ST8SIA6: variants seen among roughly 807,000 people sequenced by gnomAD.
The protein encoded by ST8SIA6 is ST8 alpha-N-acetyl-neuraminide alpha-2,8-sialyltransferase 6, also known as alpha-2,8-sialyltransferase 8F.
ST8SIA6 carries 39 observed loss-of-function variants against 33.6 expected under a neutral mutation model. That is an observed-to-expected ratio of 1.16 (90% CI 0.90 to 1.52). ST8SIA6 has a LOEUF of 1.52. Ranked by LOEUF, ST8SIA6 falls within the 40% of genes most tolerant of loss-of-function variation. The pLI, the probability that ST8SIA6 is intolerant of heterozygous loss-of-function variation, is 0.00. For synonymous variants in ST8SIA6, 172 were observed against 167.2 expected (o/e 1.03, Z -0.22); for missense variants, 441 against 443.8 (o/e 0.99, Z 0.06).
At chr10:17,371,031 G>C (rs1203617597) in intron 3 of ST8SIA6, among the ~76,000 whole-genome samples, 1 of 152,148 alleles carries the variant, frequency 6.6e-6, no homozygotes, top group African/African-American at 2.4e-5. Context: ...GGATTGGTGG[G>C]GTTAGGAAGA....
chr10:17,391,409 T>C (rs1384375495), intron 2 of ST8SIA6, among the ~76,000 whole-genome samples: 2 of 152,120 alleles, frequency 1.3e-5, no homozygotes, highest in East Asian at 3.9e-4. Flanking sequence ...TACAGGCGCC[T>C]GCCACCATGC....
At chr10:17,356,419 C>G (rs1849191791) in intron 4 of ST8SIA6, among the ~76,000 whole-genome samples, 2 of 149,672 alleles carry the variant, frequency 1.3e-5, no homozygotes, top group Admixed American at 6.7e-5. Context: ...TGGAGTCACT[C>G]TGTCAGCCAG....
intron 6 of ST8SIA6, among the ~76,000 whole-genome samples, chr10:17,326,239 A>T (rs1229424177): frequency 6.6e-6 from 1 of 152,156 alleles, no homozygotes; most frequent in East Asian, 1.9e-4. Context: ...AGAGGGATCA[A>T]AGCATCTCCT....
chr10:17,342,330 C>T (rs1848705210), intron 4 of ST8SIA6, among the ~76,000 whole-genome samples: 1 of 152,156 alleles, frequency 6.6e-6, no homozygotes, highest in Non-Finnish European at 1.5e-5. Context: ...TCATATGAGG[C>T]TATGAGAGCA....
intron 2 of ST8SIA6, among the ~76,000 whole-genome samples, chr10:17,426,665 C>G (rs1851947575): frequency 6.6e-6 from 1 of 152,308 alleles, no homozygotes; most frequent in Non-Finnish European, 1.5e-5. Flanking sequence ...GTTGTAAGAC[C>G]TGAGGGGCTA....
intron 1 of ST8SIA6, 131 bp from the exon 2 acceptor site, chr10:17,453,788 CCA>C: frequency 1.6e-6 from 1 of 637,994 alleles, no homozygotes; most frequent in Non-Finnish European, 2.3e-6. Context: ...GTCCCCAGCC[CCA>C]GAGTTGGAAG....
At chr10:17,433,365 C>T (rs1022758033) in intron 2 of ST8SIA6, among the ~76,000 whole-genome samples, 11 of 152,098 alleles carry the variant, frequency 7.2e-5, no homozygotes, top group Non-Finnish European at 1.5e-4. Flanking sequence ...ATTTATTTGC[C>T]AGATTAAAGA....
chr10:17,331,690 T>G, intron 4 of ST8SIA6, 138 bp from the exon 5 acceptor site: 1 of 888,766 alleles, frequency 1.1e-6, no homozygotes, highest in Non-Finnish European at 1.6e-6. Context: ...AAGATGACTT[T>G]GATTTTTGTC....
chr10:17,379,307 GA>G (rs1416964336), intron 3 of ST8SIA6, among the ~76,000 whole-genome samples: 1 of 142,554 alleles, frequency 7.0e-6, no homozygotes, highest in Non-Finnish European at 1.5e-5. Flanking sequence ...GAAAGTGAGA[GA>G]GAAAGAGTAA....
intron 4 of ST8SIA6, among the ~76,000 whole-genome samples, chr10:17,340,969 G>T (rs930181207): frequency 6.6e-6 from 1 of 152,166 alleles, no homozygotes; most frequent in Non-Finnish European, 1.5e-5. Flanking sequence ...TTTGCCTGTG[G>T]GCTTGTGTTG....
intron 2 of ST8SIA6, among the ~76,000 whole-genome samples, chr10:17,429,688 T>C (rs1440615159): frequency 6.6e-6 from 1 of 152,132 alleles, no homozygotes; most frequent in African/African-American, 2.4e-5. Context: ...TCTCACTATG[T>C]TGCCCAGGCT....
chr10:17,359,243 A>G (rs1379900428), intron 4 of ST8SIA6, among the ~76,000 whole-genome samples: 3 of 152,232 alleles, frequency 2.0e-5, no homozygotes, highest in Non-Finnish European at 2.9e-5. Context: ...AAAACACAAC[A>G]TCTTCTAAAA....
chr10:17,433,880 AC>A (rs1852173971), intron 2 of ST8SIA6, among the ~76,000 whole-genome samples: 1 of 152,078 alleles, frequency 6.6e-6, no homozygotes, highest in South Asian at 2.1e-4. Context: ...CCTGTCCTCA[AC>A]ACATATCCTG....
At chr10:17,441,725 T>A (rs1240730513) in intron 2 of ST8SIA6, among the ~76,000 whole-genome samples, 1 of 152,198 alleles carries the variant, frequency 6.6e-6, no homozygotes, top group Non-Finnish European at 1.5e-5. Flanking sequence ...GTTAATTAAT[T>A]TAATTAAGTT....
chr10:17,347,214 A>G (rs1296667986), intron 4 of ST8SIA6, among the ~76,000 whole-genome samples: 2 of 152,252 alleles, frequency 1.3e-5, no homozygotes. Context: ...AAGTAGACAC[A>G]TACAATTAGC....
At chr10:17,323,680 C>T (rs1014105561) in intron 6 of ST8SIA6, among the ~76,000 whole-genome samples, 4 of 151,854 alleles carry the variant, frequency 2.6e-5, no homozygotes, top group Non-Finnish European at 4.4e-5. Context: ...CCACTGTGCC[C>T]GGCGAAAATT....
At chr10:17,369,537 T>A (rs529559676) in intron 3 of ST8SIA6, among the ~76,000 whole-genome samples, 2 of 152,294 alleles carry the variant, frequency 1.3e-5, no homozygotes, top group South Asian at 4.1e-4. Flanking sequence ...GAGAAGATCA[T>A]CATAGTCTGT....
chr10:17,403,784 T>C (rs113574208), intron 2 of ST8SIA6, among the ~76,000 whole-genome samples: 4,944 of 152,210 alleles, frequency 0.032, 84 homozygotes, highest in South Asian at 0.055. Flanking sequence ...ATGAAGGAGC[T>C]GGGCACGGTG....
intron 2 of ST8SIA6, among the ~76,000 whole-genome samples, chr10:17,397,359 G>A (rs916214815): frequency 3.4e-5 from 5 of 148,804 alleles, no homozygotes; most frequent in African/African-American, 1.2e-4. Flanking sequence ...TCAGCCTCCT[G>A]TGTAGCTGGG....
Sources: gnomAD v4.1 joint callset for allele counts (sites outside exome capture counted in the v4.1 genomes callset) on GRCh38, gnomAD v4.1.1 for gene constraint, MANE v1.5 for transcripts, NCBI Gene and HGNC (gene_info 2026-07-23, HGNC 2026-07-21) for gene names.